Variants in KIF26B observed in about 807,000 individuals in gnomAD.
The protein encoded by KIF26B is kinesin-like protein KIF26B.
KIF26B carries 63 observed loss-of-function variants against 151.2 expected under a neutral mutation model. The ratio of observed to expected loss-of-function variants is 0.42; its 90% CI spans 0.34 to 0.51. The LOEUF (loss-of-function observed/expected upper bound fraction) is 0.51. KIF26B is among the 20% of genes least tolerant of loss of function. KIF26B has a pLI of 0.07. For missense variants in KIF26B, 2,813 were observed against 2,913.6 expected (o/e 0.97, Z 0.79); for synonymous variants, 1,357 against 1,262.1 (o/e 1.08, Z -1.59).
chr1:245,426,099 G>T (rs1433787805), intron 4 of KIF26B, among the ~76,000 whole-genome samples: 5 of 152,018 alleles, frequency 3.3e-5, no homozygotes, highest in Non-Finnish European at 7.4e-5. Flanking sequence ...CTTCAGATCA[G>T]AACTTACTAT....
At position 245,705,136 on chromosome 1, in the gene KIF26B, G is replaced by A. The variant is rs1430683156; in HGVS notation, c.*2530G>A. The A allele has an allele frequency of 2.6e-5, 4 of 152,178 alleles. No homozygotes were observed. The highest frequency in any genetic ancestry group is 1.9e-4 in the East Asian group (1 of 5,184). The allele number at this position is 152,178 out of a possible 1,614,324, so 9.4% of individuals were successfully genotyped here. On this transcript the variant is annotated 3_prime_UTR_variant, in exon 15 of 15. Coordinates refer to ENST00000407071, the MANE Select transcript of KIF26B (RefSeq NM_018012.4). Reference sequence around the variant, plus strand: ...GTAGCAACTTTATGCTGTAACAAAAGGCGGAAGGAAACCAAGAGTTCTCTT... The same window carrying A: ...GTAGCAACTTTATGCTGTAACAAAAAGCGGAAGGAAACCAAGAGTTCTCTT...
rs147780172 is a variant in KIF26B, at chr1:245,606,878, C to T, written c.1558-773C>T. Among the ~76,000 whole-genome samples the T allele has an allele frequency of 3.2e-3, 483 of 151,990 alleles. 4 individuals carry two copies. Among genetic ancestry groups the T allele is most frequent in the African/African-American group, 9.6e-3 (399 of 41,450 alleles). On this transcript the variant is annotated intron_variant, in intron 6 of 14. Coordinates refer to ENST00000407071, the MANE Select transcript of KIF26B (RefSeq NM_018012.4). The surrounding 1 kb of genome is among the most constrained non-coding windows in gnomAD (Gnocchi z 4.6). Reference sequence around the variant, plus strand: ...AGGAGTTTGAGACCAGCCTGACCAACGTGGTGAAACCCCCTCTCTACTAAA... The same window carrying T: ...AGGAGTTTGAGACCAGCCTGACCAATGTGGTGAAACCCCCTCTCTACTAAA...
At chr1:245,450,193 T>G (rs1659354588) in intron 4 of KIF26B, among the ~76,000 whole-genome samples, 1 of 152,222 alleles carries the variant, frequency 6.6e-6, no homozygotes, top group African/African-American at 2.4e-5. Context: ...GGGGGCCATT[T>G]TCTCTTACTT....
chr1:245,343,662 A>C (rs962412348), intron 2 of KIF26B, among the ~76,000 whole-genome samples: 1 of 152,178 alleles, frequency 6.6e-6, no homozygotes, highest in African/African-American at 2.4e-5. Flanking sequence ...CGCAAAACCC[A>C]GTGTATTATT....
At chr1:245,502,390 A>G (rs532212440) in intron 4 of KIF26B, among the ~76,000 whole-genome samples, 4 of 152,064 alleles carry the variant, frequency 2.6e-5, no homozygotes, top group Non-Finnish European at 5.9e-5. Flanking sequence ...AGCTGGGTGT[A>G]TTGGCGCACG....
rs58229732 is a variant in KIF26B at position 245,669,105 on chromosome 1, G to A, written c.2259-15128G>A. On this transcript the variant is annotated intron_variant, in intron 10 of 14. Coordinates refer to ENST00000407071, the MANE Select transcript of KIF26B (RefSeq NM_018012.4). ...TGATTTCAAAAGAAATTTGTTCCTC[G>A]ACAATACACAGAAAATGCACTTAAC... 9.2e-3 allele frequency among the ~76,000 whole-genome samples: 1,408 copies of A among 152,224 alleles called. 18 individuals carry two copies. Among genetic ancestry groups the A allele is most frequent in the East Asian group, 0.016 (85 of 5,188 alleles).
chr1:245,537,138 T>A (rs1661506123), intron 4 of KIF26B, among the ~76,000 whole-genome samples: 1 of 152,084 alleles, frequency 6.6e-6, no homozygotes, highest in South Asian at 2.1e-4. Context: ...GGTTCACGGA[T>A]AAGGTAACAT....
intron 4 of KIF26B, among the ~76,000 whole-genome samples, chr1:245,471,542 A>G (rs1051970020): frequency 2.0e-5 from 3 of 152,216 alleles, no homozygotes; most frequent in Admixed American, 1.3e-4. Flanking sequence ...TGTTTTCAAT[A>G]TATTTATCCA....
intron 10 of KIF26B, among the ~76,000 whole-genome samples, chr1:245,655,741 C>T (rs1305497277): frequency 1.3e-5 from 2 of 152,150 alleles, no homozygotes; most frequent in East Asian, 3.8e-4. Context: ...AAATGCAAGC[C>T]GAGTACTTCT....
At position 245,156,464 on chromosome 1, in the gene KIF26B, C is replaced by T. The variant is rs1002877094; in HGVS notation, c.246C>T (p.Thr82=). Residue 82 remains threonine, a synonymous_variant, in exon 2 of 15, where the codon ACC becomes ACT. Transcript: ENST00000407071. ...GCACCTCGTCCCCGAGCTCGTTCACCGGCTCCCCGGGACCCGCCTCCCCCG... is the reference window on the plus strand; with the variant it reads ...GCACCTCGTCCCCGAGCTCGTTCACTGGCTCCCCGGGACCCGCCTCCCCCG... ...GSGTSSPSSF[T]GSPGPASPGI... is the part of the protein sequence containing the mutation. The T allele has an allele frequency of 6.6e-7, 1 of 1,524,962 alleles. No individual in the cohort carries two copies. Among genetic ancestry groups the T allele is most frequent in the Non-Finnish European group, 8.8e-7 (1 of 1,140,080 alleles). The allele number at this position is 1,524,962 out of a possible 1,614,324, so 94.5% of individuals were successfully genotyped here.
chr1:245,165,378 A>AG (rs1558330588), intron 2 of KIF26B, among the ~76,000 whole-genome samples: 1 of 152,206 alleles, frequency 6.6e-6, no homozygotes, highest in Non-Finnish European at 1.5e-5. Flanking sequence ...ATACAGGCAG[A>AG]GAAGGGGTTT....
At chr1:245,433,035 ATCTGAG>A (rs1401204700) in intron 4 of KIF26B, among the ~76,000 whole-genome samples, 1 of 152,156 alleles carries the variant, frequency 6.6e-6, no homozygotes, top group Non-Finnish European at 1.5e-5. Flanking sequence ...TTTTATTTTT[ATCTGAG>A]TCTAACTCCC....
intron 3 of KIF26B, among the ~76,000 whole-genome samples, chr1:245,403,506 T>C (rs949121933): frequency 2.9e-4 from 44 of 152,208 alleles, no homozygotes; most frequent in African/African-American, 1.1e-3. Flanking sequence ...AAACACTGCT[T>C]GAGCCTCGTC....
At chr1:245,242,993 T>A (rs1670239888) in intron 2 of KIF26B, among the ~76,000 whole-genome samples, 1 of 152,170 alleles carries the variant, frequency 6.6e-6, no homozygotes, top group Non-Finnish European at 1.5e-5. Context: ...CATTTCGGAT[T>A]TTTCCCTCAG....
intron 10 of KIF26B, among the ~76,000 whole-genome samples, chr1:245,658,550 C>G (rs1482831994): frequency 6.6e-6 from 1 of 152,092 alleles, no homozygotes; most frequent in African/African-American, 2.4e-5. Context: ...ACCACCATGC[C>G]TGGCTAATAG....
intron 5 of KIF26B, among the ~76,000 whole-genome samples, chr1:245,552,387 G>T (rs1316418658): frequency 6.6e-6 from 1 of 151,920 alleles, no homozygotes; most frequent in Non-Finnish European, 1.5e-5. Flanking sequence ...AAGGTCGTCT[G>T]ATTTACTCAA....
intron 2 of KIF26B, among the ~76,000 whole-genome samples, chr1:245,284,345 A>G (rs1185812162): frequency 1.3e-5 from 2 of 151,504 alleles, no homozygotes; most frequent in Non-Finnish European, 2.9e-5. Context: ...ATCTTCTTCC[A>G]GAAAGGACTG....
At chr1:245,231,510 C>A (rs1292676004) in intron 2 of KIF26B, among the ~76,000 whole-genome samples, 4 of 151,592 alleles carry the variant, frequency 2.6e-5, no homozygotes, top group Non-Finnish European at 5.9e-5. Context: ...AGCAAGACTT[C>A]GTCTAAAAGA....
intron 4 of KIF26B, among the ~76,000 whole-genome samples, chr1:245,439,987 C>A (rs1169871248): frequency 1.3e-5 from 2 of 152,126 alleles, no homozygotes; most frequent in Non-Finnish European, 2.9e-5. Context: ...TTGGGGAGGC[C>A]GAGGCGGGCA....
Sources: allele counts gnomAD v4.1 joint callset (sites outside exome capture counted in the v4.1 genomes callset), GRCh38; gene constraint gnomAD v4.1.1; non-coding constraint Gnocchi (gnomAD v3.1); transcripts MANE v1.5; gene names NCBI Gene and HGNC (gene_info 2026-07-23, HGNC 2026-07-21).